Variants in ANKRD31 observed in about 807,000 individuals in gnomAD.
ANKRD31 encodes ankyrin repeat domain-containing protein 31.
Under a neutral mutation model 186.0 loss-of-function variants are expected in ANKRD31, and 147 were observed. That is an observed-to-expected ratio of 0.79 (90% CI 0.69 to 0.91). The LOEUF is 0.91. Among genes scored for constraint, ANKRD31 ranks in the 40% least tolerant of loss-of-function variants. The pLI is 0.00. For synonymous variants in ANKRD31, 673 were observed against 736.4 expected, an observed-to-expected ratio of 0.91 and a Z score of 1.39; for missense variants, 1,986 against 2,148.8, an observed-to-expected ratio of 0.92 and a Z score of 1.50.
intron 3 of ANKRD31, among the ~76,000 whole-genome samples, chr5:75,218,261 A>T (rs1045827854): frequency 6.6e-6 from 1 of 152,148 alleles, no homozygotes; most frequent in Non-Finnish European, 1.5e-5. Context: ...GGCAAAGGAG[A>T]TGTTACCACT....
chr5:75,231,656 G>A (rs555968045), intron 1 of ANKRD31, among the ~76,000 whole-genome samples: 6 of 152,280 alleles, frequency 3.9e-5, no homozygotes, highest in African/African-American at 1.2e-4. Flanking sequence ...ACGAAAAGAT[G>A]TTCATCATCA....
In ANKRD31 at chr5:75,199,547, T is replaced by A. The variant is rs957918407; in HGVS notation, c.447+84A>T. 4 of 1,141,166 alleles carry A rather than the reference T, an allele frequency of 3.5e-6. No homozygotes were observed. The Admixed American group carries it at 9.9e-5, about 28-fold the overall frequency. 70.7% of individuals were successfully genotyped at this position (1,141,166 alleles called of 1,614,324 possible). ...TAGTAGATGAGGGTGAGGGTCTAAA[T>A]GAGCTTGATACTTTAATCGACATAA... On this transcript the variant is annotated intron_variant, in intron 6 of 25. Coordinates refer to ENST00000506364, the MANE Select transcript of ANKRD31 (RefSeq NM_001372053.1).
chr5:75,106,940 C>A (rs1281642688), intron 21 of ANKRD31, among the ~76,000 whole-genome samples: 1 of 151,434 alleles, frequency 6.6e-6, no homozygotes, highest in Non-Finnish European at 1.5e-5. Flanking sequence ...GTTTAGAAAA[C>A]TGAATGTGAA....
intron 22 of ANKRD31, among the ~76,000 whole-genome samples, chr5:75,100,601 G>A (rs1746766957): frequency 6.6e-6 from 1 of 152,000 alleles, no homozygotes; most frequent in South Asian, 2.1e-4. Flanking sequence ...ATGAATCTGG[G>A]TGCTCCTGTA....
rs1561425807 is a variant in ANKRD31, at chr5:75,105,168, T to G, written c.4391A>C (p.Asn1464Thr). Residue 1464 changes from asparagine (N) to threonine (T), a missense_variant, in exon 22 of 26, where the codon AAC (asparagine) becomes ACC (threonine). By Grantham distance (65) the Asn-to-Thr change is moderately conservative (BLOSUM62 0). Coordinates refer to ENST00000506364, the MANE Select transcript of ANKRD31 (RefSeq NM_001372053.1). Reference sequence around the variant, plus strand: ...AAGGCTCTTCTGTCTTGCAGCCAAGTTGGCCAATTGTTCTCTCAGGGCTCC... The same window carrying G: ...AAGGCTCTTCTGTCTTGCAGCCAAGGTGGCCAATTGTTCTCTCAGGGCTCC... ...KHGALREQLANLAARQKSLLV... is the reference protein window; with the variant it reads ...KHGALREQLATLAARQKSLLV... 2 of 1,535,534 alleles carry G rather than the reference T, an allele frequency of 1.3e-6. No homozygotes were observed. Among genetic ancestry groups the G allele is most frequent in the Non-Finnish European group, 1.7e-6 (2 of 1,146,372 alleles).
intron 12 of ANKRD31, among the ~76,000 whole-genome samples, chr5:75,149,231 A>G (rs540063689): frequency 6.6e-6 from 1 of 152,032 alleles, no homozygotes; most frequent in Admixed American, 6.6e-5. Context: ...CTATATATGC[A>G]TTTGGCTACA....
At chr5:75,203,266 T>C (rs1203861827) in intron 5 of ANKRD31, among the ~76,000 whole-genome samples, 1 of 152,160 alleles carries the variant, frequency 6.6e-6, no homozygotes, top group African/African-American at 2.4e-5. Flanking sequence ...TATGGGACTA[T>C]AGGACATAGT....
chr5:75,094,067 T>C (rs1369451185), intron 22 of ANKRD31, among the ~76,000 whole-genome samples: 1 of 152,162 alleles, frequency 6.6e-6, no homozygotes, highest in African/African-American at 2.4e-5. Flanking sequence ...TAAAAAACAA[T>C]AGATACAGAA....
At chr5:75,182,972 C>T (rs1032705269) in intron 10 of ANKRD31, among the ~76,000 whole-genome samples, 1 of 151,920 alleles carries the variant, frequency 6.6e-6, no homozygotes, top group Non-Finnish European at 1.5e-5. Flanking sequence ...AAAATGAATC[C>T]CCAATACCCC....
chr5:75,179,969 T>C (rs1754157262), intron 10 of ANKRD31, among the ~76,000 whole-genome samples: 1 of 152,182 alleles, frequency 6.6e-6, no homozygotes, highest in Non-Finnish European at 1.5e-5. Context: ...GACATGATTG[T>C]ATATATAGAA....
chr5:75,161,467 T>G lies in ANKRD31; in HGVS notation c.1708-7122A>C, dbSNP rs368985069. 2.6e-5 allele frequency among the ~76,000 whole-genome samples: 4 copies of G among 152,180 alleles called. No homozygotes were observed. The South Asian group carries it at 8.3e-4, about 31-fold the overall frequency. ...GTGCTGCTAAAGGCATTCAGTTTTATACAGGAAGCAGAGCATAAAAGTTTG... is the reference window on the plus strand; with the variant it reads ...GTGCTGCTAAAGGCATTCAGTTTTAGACAGGAAGCAGAGCATAAAAGTTTG... On this transcript the variant is annotated intron_variant, in intron 11 of 25. Transcript: ENST00000506364.
chr5:75,200,489 G>A (rs185591991), intron 5 of ANKRD31, among the ~76,000 whole-genome samples: 189 of 151,164 alleles, frequency 1.3e-3, no homozygotes, highest in Middle Eastern at 3.4e-3. Context: ...GTAGAGGCAG[G>A]GTTTCACCAT....
chr5:75,170,436 AAAGGT>A (rs1220089999), intron 10 of ANKRD31, among the ~76,000 whole-genome samples: 4 of 152,162 alleles, frequency 2.6e-5, no homozygotes, highest in African/African-American at 9.6e-5. Flanking sequence ...TTTTCAATTA[AAAGGT>A]AAGACTGTCT....
chr5:75,197,206 A>C (rs1330957180), intron 6 of ANKRD31, among the ~76,000 whole-genome samples: 2 of 152,292 alleles, frequency 1.3e-5, no homozygotes, highest in African/African-American at 4.8e-5. Flanking sequence ...CCAGCCTCAC[A>C]ATGTTTCTAA....
At chr5:75,173,061 T>G (rs1272573813) in intron 10 of ANKRD31, among the ~76,000 whole-genome samples, 1 of 152,200 alleles carries the variant, frequency 6.6e-6, no homozygotes, top group African/African-American at 2.4e-5. Context: ...GCTTCATCAC[T>G]GGGATGCAAA....
intron 17 of ANKRD31, among the ~76,000 whole-genome samples, chr5:75,128,071 C>T (rs1749394507): frequency 1.3e-5 from 2 of 152,068 alleles, no homozygotes; most frequent in South Asian, 4.2e-4. Flanking sequence ...GAGAGCTTTC[C>T]TTTTTACTTT....
Position 75,195,680 on chromosome 5 carries a change from A to G in ANKRD31, c.968T>C (p.Val323Ala), listed in dbSNP as rs747442405. 5 of 1,536,766 alleles carry G rather than the reference A, an allele frequency of 3.3e-6. No individual in the cohort carries two copies. Among genetic ancestry groups the G allele is most frequent in the African/African-American group, 1.4e-5 (1 of 73,038 alleles). The change falls in exon 7 of 26, where the codon GTG becomes GCG. Residue 323 changes from valine to alanine, a missense_variant. Transcript: ENST00000506364. ...ATTGGTCTGAGACGTATTGAACTCC[A>G]CTTCTAAACATTCATTTCTGGCAAT... ...SLIARNECLE[V>A]EFNTSQTNED...
chr5:75,100,416 A>G (rs1746746066), intron 22 of ANKRD31, among the ~76,000 whole-genome samples: 1 of 152,092 alleles, frequency 6.6e-6, no homozygotes, highest in Non-Finnish European at 1.5e-5. Flanking sequence ...TGGGGTGGAG[A>G]GTTCTGTAGA....
chr5:75,196,052 T>G lies in ANKRD31; in HGVS notation c.596A>C (p.Lys199Thr). The G allele has an allele frequency of 6.5e-7, 1 of 1,536,686 alleles. No individual in the cohort carries two copies. The highest frequency in any genetic ancestry group is 8.7e-7 in the Non-Finnish European group (1 of 1,146,646). The change falls in exon 7 of 26, where the codon AAG (lysine) becomes ACG (threonine). Residue 199 changes from lysine to threonine, a missense_variant. Physicochemically the swap from Lys to Thr is moderately conservative, Grantham distance 78. Transcript: ENST00000506364. ...AAPNTFFEPR[K>T]EVTMTMTSEE... ...AGAAGTCATGGTCATTGTGACTTCC[T>G]TTCTAGGCTCAAAAAATGTATTTGG...
Sources: gnomAD v4.1 joint callset for allele counts (sites outside exome capture counted in the v4.1 genomes callset) on GRCh38, gnomAD v4.1.1 for gene constraint, MANE v1.5 for transcripts, NCBI Gene and HGNC (gene_info 2026-07-23, HGNC 2026-07-21) for gene names.